The following FBLN1 variants were observed in gnomAD, a reference collection of about 807,000 sequenced individuals.
The protein encoded by FBLN1 is fibulin-1.
FBLN1 carries 34 observed loss-of-function variants against 89.7 expected under a neutral mutation model. The observed-to-expected ratio is 0.38, with a 90% CI of 0.29 to 0.50. The LOEUF (loss-of-function observed/expected upper bound fraction) is 0.50, where lower values mean the gene tolerates loss of function less well. Ranked by LOEUF, FBLN1 falls within the 20% of genes least tolerant of loss-of-function variation. The pLI, the probability that FBLN1 is intolerant of heterozygous loss-of-function variation, is 0.92. For synonymous variants in FBLN1, 393 were observed against 391.3 expected, an observed-to-expected ratio of 1.00 and a Z score of -0.05; for missense variants, 777 against 988.1, an observed-to-expected ratio of 0.79 and a Z score of 2.86.
chr22:45,503,070 G>T lies in FBLN1; in HGVS notation c.79+6G>T. 1 of 1,238,466 alleles carries T rather than the reference G, an allele frequency of 8.1e-7. No individual in the cohort carries two copies. Among genetic ancestry groups the T allele is most frequent in the African/African-American group, 1.6e-5 (1 of 64,092 alleles). 76.7% of individuals were successfully genotyped at this position (1,238,466 alleles called of 1,614,324 possible). The stretch of plus-strand genomic sequence containing the variant: ...TGCGCTGCTGGCGGCCGGAGGTAGG[G>T]GCGTCCCGGGTCCGCCGCCCCAGCT... On this transcript the variant is annotated splice_donor_region_variant and intron_variant, in intron 1 of 16. Coordinates refer to ENST00000327858, the MANE Select transcript of FBLN1 (RefSeq NM_006486.3).
At chr22:45,571,776 A>C (rs1018208599) in intron 14 of FBLN1, among the ~76,000 whole-genome samples, 15 of 152,116 alleles carry the variant, frequency 9.9e-5, no homozygotes, top group Non-Finnish European at 7.4e-5. Flanking sequence ...ACAATGACCA[A>C]CCCCCTAGCA....
At chr22:45,542,028 G>T in intron 9 of FBLN1, 127 bp from the exon 10 acceptor site, 2 of 1,412,586 alleles carry the variant, frequency 1.4e-6, no homozygotes, top group Non-Finnish European at 2.0e-6. Flanking sequence ...GCTCTGTGAA[G>T]TCGTGTTGAA....
At chr22:45,506,269 A>G (rs1156723459) in intron 1 of FBLN1, among the ~76,000 whole-genome samples, 1 of 152,220 alleles carries the variant, frequency 6.6e-6, no homozygotes, top group Non-Finnish European at 1.5e-5. Flanking sequence ...TGCACATTCT[A>G]CTACTACTGA....
At position 45,556,854 on chromosome 22, in the gene FBLN1, C is replaced by G. The variant is rs185453005; in HGVS notation, c.1697+6239C>G. On this transcript the variant is annotated intron_variant, in intron 14 of 16. Transcript: ENST00000327858. The surrounding 1 kb of genome is among the most constrained non-coding windows in gnomAD (Gnocchi z 4.6). ...CCAGCAGAACGTAATGTTGCAGGAA[C>G]AGGAAGCAAAAATTTTGCTAGTGGA... Among the ~76,000 whole-genome samples the G allele has an allele frequency of 1.4e-4, 21 of 152,222 alleles. No homozygotes were observed. Among genetic ancestry groups the G allele is most frequent in the South Asian group, 4.2e-4 (2 of 4,818 alleles).
At chr22:45,512,650 C>T (rs1023414121) in intron 1 of FBLN1, among the ~76,000 whole-genome samples, 6 of 152,154 alleles carry the variant, frequency 3.9e-5, no homozygotes, top group African/African-American at 7.2e-5. Flanking sequence ...TGCAGGGATG[C>T]GGGAGGCACA....
rs559775626 is a variant in FBLN1 at position 45,504,287 on chromosome 22, C to CT, written c.79+1224dup. 5.0e-3 allele frequency among the ~76,000 whole-genome samples: 756 copies of CT among 152,176 alleles called. 9 individuals carry two copies. Among genetic ancestry groups the CT allele is most frequent in the African/African-American group, 0.017 (707 of 41,484 alleles). ...TTGACTGGCTGGCTGCAGCAGAGCCCTGTGGAGCTCTGATTGTTCAGGCGG... is the reference window on the plus strand; with the variant it reads ...TTGACTGGCTGGCTGCAGCAGAGCCCTTGTGGAGCTCTGATTGTTCAGGCGG... On this transcript the variant is annotated intron_variant, in intron 1 of 16. Coordinates refer to ENST00000327858, the MANE Select transcript of FBLN1 (RefSeq NM_006486.3).
chr22:45,539,205 C>CTTT (rs549125499), intron 8 of FBLN1, among the ~76,000 whole-genome samples: 8 of 93,706 alleles, frequency 8.5e-5, no homozygotes, highest in Admixed American at 2.6e-4. Context: ...TTCTTTTCTT[C>CTTT]TTTTTTTTTT....
intron 8 of FBLN1, among the ~76,000 whole-genome samples, chr22:45,539,007 G>A (rs1036741706): frequency 6.6e-6 from 1 of 151,928 alleles, no homozygotes; most frequent in African/African-American, 2.4e-5. Flanking sequence ...TGGCTTTGTC[G>A]GGTTTTCTTT....
At chr22:45,553,848 C>G (rs2088738896) in intron 14 of FBLN1, among the ~76,000 whole-genome samples, 1 of 152,202 alleles carries the variant, frequency 6.6e-6, no homozygotes, top group Admixed American at 6.5e-5. Context: ...CTCCGCTTCC[C>G]TCTGGCAAAA....
At chr22:45,598,717 C>G (rs1257644298) in intron 16 of FBLN1, among the ~76,000 whole-genome samples, 2 of 152,206 alleles carry the variant, frequency 1.3e-5, no homozygotes, top group Admixed American at 6.5e-5. Flanking sequence ...GGGAACTGTC[C>G]CAGCACCTGT....
chr22:45,517,709 G>A (rs1458482034), intron 1 of FBLN1: 1 of 448,790 alleles, frequency 2.2e-6, no homozygotes, highest in Non-Finnish European at 4.6e-6. Flanking sequence ...GTAAGTCAAG[G>A]GCAGAAACCA....
At chr22:45,543,113 A>G (rs894567676) in intron 10 of FBLN1, among the ~76,000 whole-genome samples, 2 of 152,202 alleles carry the variant, frequency 1.3e-5, no homozygotes, top group African/African-American at 4.8e-5. Flanking sequence ...CAAAAAATAC[A>G]AAAATTAGCC....
intron 1 of FBLN1, among the ~76,000 whole-genome samples, chr22:45,512,303 T>TG (rs528664057): frequency 2.0e-3 from 299 of 151,792 alleles, no homozygotes; most frequent in Non-Finnish European, 3.2e-3. Context: ...CTTCTGAAGG[T>TG]GGGGGGCCTG....
chr22:45,555,301 A>G (rs1171926997), intron 14 of FBLN1, among the ~76,000 whole-genome samples: 14 of 147,874 alleles, frequency 9.5e-5, no homozygotes, highest in Non-Finnish European at 1.8e-4. Context: ...AAAATGGAAT[A>G]TATATATGGA....
intron 1 of FBLN1, among the ~76,000 whole-genome samples, chr22:45,509,639 C>A (rs1465990573): frequency 6.6e-6 from 1 of 152,126 alleles, no homozygotes; most frequent in East Asian, 1.9e-4. Context: ...AGTAAAACTC[C>A]GTCTCTACTA....
intron 14 of FBLN1, among the ~76,000 whole-genome samples, chr22:45,568,009 A>T (rs2088913608): frequency 6.6e-6 from 1 of 152,168 alleles, no homozygotes; most frequent in African/African-American, 2.4e-5. Context: ...CTTAGCCACC[A>T]CAGCTCTCCC....
intron 2 of FBLN1, among the ~76,000 whole-genome samples, chr22:45,520,320 G>A (rs2088232821): frequency 6.6e-6 from 1 of 152,246 alleles, no homozygotes; most frequent in African/African-American, 2.4e-5. Flanking sequence ...CCGGAGGCCA[G>A]AAGTCTGAGA....
rs1555960201 is a variant in FBLN1, at chr22:45,570,335, A to AAAAAG, written c.1698-4156_1698-4152dup. Among the ~76,000 whole-genome samples the AAAAAG allele has an allele frequency of 8.5e-3, 786 of 92,426 alleles. 1 individual carries two copies. The highest frequency in any genetic ancestry group is 0.017 in the South Asian group (44 of 2,526). The allele number at this position is 92,426 out of a possible 152,430, so 60.6% of individuals were successfully genotyped here. ...ACTCTGTCTCAAAAAAAAAAAAAAA[A>AAAAAG]AAAAGAAAAGAAAAGAAAAGAAAAA... On this transcript the variant is annotated intron_variant, in intron 14 of 16. Transcript: ENST00000327858.
chr22:45,585,218 C>T (rs544014468), intron 16 of FBLN1, among the ~76,000 whole-genome samples: 1 of 152,190 alleles, frequency 6.6e-6, no homozygotes, highest in Non-Finnish European at 1.5e-5. Context: ...ATTTGCAGTA[C>T]ACAACCTGCT....
Sources: gnomAD v4.1 joint callset for allele counts (sites outside exome capture counted in the v4.1 genomes callset) on GRCh38, gnomAD v4.1.1 for gene constraint, Gnocchi (gnomAD v3.1) non-coding constraint, MANE v1.5 for transcripts, NCBI Gene and HGNC (gene_info 2026-07-23, HGNC 2026-07-21) for gene names.